Variants in SPAG16 observed in about 807,000 individuals in gnomAD.
SPAG16 encodes the protein sperm-associated antigen 16 protein.
SPAG16 carries 86 observed loss-of-function variants against 80.4 expected under a neutral mutation model. The ratio of observed to expected loss-of-function variants is 1.07; its 90% CI spans 0.90 to 1.28. The LOEUF is 1.28. SPAG16 is among the 50% of genes most tolerant of loss of function. The probability of loss-of-function intolerance (pLI) is 0.00; values close to 1 mark genes in which losing one functional copy is unlikely to be tolerated. For missense variants in SPAG16, 870 were observed against 765.3 expected, an observed-to-expected ratio of 1.14 and a Z score of -1.61; for synonymous variants, 294 against 265.9, an observed-to-expected ratio of 1.11 and a Z score of -1.03.
intron 15 of SPAG16, among the ~76,000 whole-genome samples, chr2:214,223,825 T>C (rs1477246552): frequency 4.6e-5 from 7 of 152,110 alleles, no homozygotes; most frequent in Non-Finnish European, 1.0e-4. Flanking sequence ...AAACTCGCAA[T>C]GTAGTGACTG....
intron 15 of SPAG16, among the ~76,000 whole-genome samples, chr2:214,260,423 T>C (rs1691056970): frequency 6.6e-6 from 1 of 152,076 alleles, no homozygotes; most frequent in African/African-American, 2.4e-5. Flanking sequence ...GTAAATTTGG[T>C]ATCTTCTCCG....
chr2:213,417,902 G>A (rs1361301579), intron 9 of SPAG16, among the ~76,000 whole-genome samples: 2 of 128,336 alleles, frequency 1.6e-5, no homozygotes, highest in African/African-American at 3.1e-5. Context: ...AGACAGTTTT[G>A]CTCTTGTTGC....
intron 9 of SPAG16, among the ~76,000 whole-genome samples, chr2:213,428,627 C>T (rs1467834152): frequency 1.3e-5 from 2 of 152,112 alleles, no homozygotes; most frequent in African/African-American, 2.4e-5. Flanking sequence ...TCTCTCCCTT[C>T]GTGGGTGGAG....
At chr2:214,252,810 C>G (rs1008531321) in intron 15 of SPAG16, among the ~76,000 whole-genome samples, 1 of 152,088 alleles carries the variant, frequency 6.6e-6, no homozygotes, top group Non-Finnish European at 1.5e-5. Context: ...GGCATATACC[C>G]AGTAATGAGA....
intron 14 of SPAG16, among the ~76,000 whole-genome samples, chr2:214,146,875 C>T (rs1189962667): frequency 6.6e-6 from 1 of 151,820 alleles, no homozygotes; most frequent in African/African-American, 2.4e-5. Context: ...TGGCAGGCAT[C>T]TGTGTAGTCC....
chr2:214,347,047 AG>A (rs1384282608), intron 15 of SPAG16, among the ~76,000 whole-genome samples: 1 of 152,222 alleles, frequency 6.6e-6, no homozygotes, highest in Non-Finnish European at 1.5e-5. Flanking sequence ...TAAAACCAAA[AG>A]TATGTGGCAT....
At chr2:214,010,930 T>C (rs1490033163) in intron 12 of SPAG16, among the ~76,000 whole-genome samples, 1 of 146,204 alleles carries the variant, frequency 6.8e-6, no homozygotes, top group Non-Finnish European at 1.5e-5. Context: ...CTATACTTTT[T>C]ATAAATGAAA....
At chr2:213,836,102 A>G (rs1377489885) in intron 10 of SPAG16, among the ~76,000 whole-genome samples, 5 of 152,050 alleles carry the variant, frequency 3.3e-5, no homozygotes, top group Non-Finnish European at 5.9e-5. Flanking sequence ...TTGAGTGGAC[A>G]CAATCAACTG....
At chr2:213,797,637 C>G (rs2071127385) in intron 10 of SPAG16, among the ~76,000 whole-genome samples, 1 of 152,228 alleles carries the variant, frequency 6.6e-6, no homozygotes, top group East Asian at 1.9e-4. Flanking sequence ...AGTGACAAAA[C>G]TGTCCAAGGA....
intron 10 of SPAG16, among the ~76,000 whole-genome samples, chr2:213,745,002 G>A (rs1373947850): frequency 1.3e-5 from 2 of 152,168 alleles, no homozygotes; most frequent in African/African-American, 2.4e-5. Flanking sequence ...TATGACATAC[G>A]TTGATTTTTC....
At chr2:213,424,454 G>A (rs1216807553) in intron 9 of SPAG16, among the ~76,000 whole-genome samples, 1 of 152,160 alleles carries the variant, frequency 6.6e-6, no homozygotes, top group Non-Finnish European at 1.5e-5. Context: ...TCTTAGCAGA[G>A]TCATATTAAG....
chr2:213,506,856 T>C (rs1297421794), intron 10 of SPAG16, among the ~76,000 whole-genome samples: 1 of 152,244 alleles, frequency 6.6e-6, no homozygotes, highest in Non-Finnish European at 1.5e-5. Flanking sequence ...AACTGTTTTC[T>C]GTCTTTTGTA....
chr2:214,140,932 G>A (rs2055318043), intron 14 of SPAG16, among the ~76,000 whole-genome samples: 2 of 10,208 alleles, frequency 2.0e-4, no homozygotes, highest in African/African-American at 6.0e-4. Flanking sequence ...TATCCCATTG[G>A]TGGGGGGGGG....
At chr2:213,370,684 A>T (rs1191871560) in intron 8 of SPAG16, among the ~76,000 whole-genome samples, 1 of 152,248 alleles carries the variant, frequency 6.6e-6, no homozygotes, top group African/African-American at 2.4e-5. Flanking sequence ...TTATATATTT[A>T]TCCTTGACAT....
At chr2:213,460,214 G>A (rs1227753055) in intron 9 of SPAG16, among the ~76,000 whole-genome samples, 2 of 152,040 alleles carry the variant, frequency 1.3e-5, no homozygotes, top group Non-Finnish European at 2.9e-5. Context: ...GATACCTGCA[G>A]TACCAGGATT....
chr2:214,253,120 A>ATATCCTTCACCCACTT (rs1690421566), intron 15 of SPAG16, among the ~76,000 whole-genome samples: 1 of 142,182 alleles, frequency 7.0e-6, no homozygotes, highest in African/African-American at 2.6e-5. Flanking sequence ...GGATCTGTTC[A>ATATCCTTCACCCACTT]TATCCTTCAC....
intron 1 of SPAG16, among the ~76,000 whole-genome samples, chr2:213,288,864 G>A (rs905271218): frequency 1.4e-4 from 22 of 152,036 alleles, no homozygotes; most frequent in African/African-American, 5.3e-4. Flanking sequence ...AACTTAATTT[G>A]TGCATGGGTT....
intron 15 of SPAG16, among the ~76,000 whole-genome samples, chr2:214,375,315 G>T (rs1015877617): frequency 1.4e-4 from 21 of 152,140 alleles, no homozygotes; most frequent in Admixed American, 9.2e-4. Context: ...TCTCTAAAAT[G>T]GGCAATGGTA....
intron 15 of SPAG16, among the ~76,000 whole-genome samples, chr2:214,286,903 T>G (rs1417531772): frequency 2.6e-5 from 4 of 152,254 alleles, no homozygotes; most frequent in African/African-American, 7.2e-5. Context: ...GAATCTCATC[T>G]TCCTCGTCTC....
Sources: gnomAD v4.1 joint callset for allele counts (sites outside exome capture counted in the v4.1 genomes callset) on GRCh38, gnomAD v4.1.1 for gene constraint, MANE v1.5 for transcripts, NCBI Gene and HGNC (gene_info 2026-07-23, HGNC 2026-07-21) for gene names.